The following STK39 variants were observed in gnomAD, a reference collection of about 807,000 sequenced individuals.
STK39 encodes the protein serine/threonine kinase 39, also known as STE20/SPS1-related proline-alanine-rich protein kinase.
STK39 carries 20 observed loss-of-function variants against 77.8 expected under a neutral mutation model. The observed-to-expected ratio is 0.26, with a 90% CI of 0.18 to 0.37. The LOEUF (loss-of-function observed/expected upper bound fraction) is 0.37, where lower values mean the gene tolerates loss of function less well. Ranked by LOEUF, STK39 falls within the 10% of genes least tolerant of loss-of-function variation. The probability of loss-of-function intolerance (pLI) is 1.00; values close to 1 mark genes in which losing one functional copy is unlikely to be tolerated. For synonymous variants in STK39, 246 were observed against 234.1 expected, an observed-to-expected ratio of 1.05 and a Z score of -0.47; for missense variants, 479 against 656.5, an observed-to-expected ratio of 0.73 and a Z score of 2.95.
chr2:168,139,997 CA>C (rs1215936204), intron 7 of STK39, among the ~76,000 whole-genome samples: 1 of 152,144 alleles, frequency 6.6e-6, no homozygotes, highest in African/African-American at 2.4e-5. Flanking sequence ...GTTCTGCTAT[CA>C]AAAGAGTAAT....
At chr2:168,186,750 T>C (rs1030699176) in intron 1 of STK39, among the ~76,000 whole-genome samples, 2 of 152,182 alleles carry the variant, frequency 1.3e-5, no homozygotes, top group East Asian at 1.9e-4. Context: ...CATTTCTCCA[T>C]CTGTGACATA....
At chr2:168,014,360 T>G (rs1684353590) in intron 15 of STK39, among the ~76,000 whole-genome samples, 1 of 152,062 alleles carries the variant, frequency 6.6e-6, no homozygotes, top group Admixed American at 6.6e-5. Context: ...GGCATGTACC[T>G]CTGGTCCCAG....
At chr2:168,205,975 G>A (rs1689730893) in intron 1 of STK39, among the ~76,000 whole-genome samples, 1 of 152,112 alleles carries the variant, frequency 6.6e-6, no homozygotes, top group Non-Finnish European at 1.5e-5. Flanking sequence ...ATTAAGGCAA[G>A]AAAAACAACG....
intron 17 of STK39, among the ~76,000 whole-genome samples, chr2:167,962,616 C>T (rs1692018010): frequency 6.6e-6 from 1 of 152,222 alleles, no homozygotes; most frequent in Non-Finnish European, 1.5e-5. Context: ...CAAAACTCCC[C>T]TGTGCCTGAC....
intron 14 of STK39, among the ~76,000 whole-genome samples, chr2:168,029,849 C>T (rs966884573): frequency 6.6e-6 from 1 of 152,188 alleles, no homozygotes; most frequent in Non-Finnish European, 1.5e-5. Flanking sequence ...TCTTGGAAAG[C>T]TGGTGGCTAA....
At chr2:168,081,319 G>T (rs1307793373) in intron 10 of STK39, among the ~76,000 whole-genome samples, 1 of 152,166 alleles carries the variant, frequency 6.6e-6, no homozygotes, top group Non-Finnish European at 1.5e-5. Context: ...AGCGTAACCT[G>T]GATGTGAGAC....
chr2:167,956,680 A>ACACACT (rs1249603902), intron 17 of STK39, among the ~76,000 whole-genome samples: 1 of 41,998 alleles, frequency 2.4e-5, no homozygotes, highest in African/African-American at 1.3e-4. Context: ...ACACACACAC[A>ACACACT]CACACACACA....
At chr2:168,066,033 A>C (rs1685784516) in intron 12 of STK39, among the ~76,000 whole-genome samples, 1 of 151,220 alleles carries the variant, frequency 6.6e-6, no homozygotes, top group African/African-American at 2.4e-5. Flanking sequence ...AACACCAACA[A>C]CAACAACAAA....
At chr2:168,245,004 A>G (rs1050837217) in intron 1 of STK39, among the ~76,000 whole-genome samples, 3 of 152,244 alleles carry the variant, frequency 2.0e-5, no homozygotes, top group African/African-American at 7.2e-5. Flanking sequence ...TACTGTTTTC[A>G]AAAGGCAACG....
At chr2:167,962,025 T>A (rs896954502) in intron 17 of STK39, among the ~76,000 whole-genome samples, 1 of 152,162 alleles carries the variant, frequency 6.6e-6, no homozygotes, top group African/African-American at 2.4e-5. Context: ...TAGGCATTAA[T>A]TTTTTAAAGT....
intron 1 of STK39, among the ~76,000 whole-genome samples, chr2:168,229,578 A>C (rs963237834): frequency 1.3e-5 from 2 of 152,202 alleles, no homozygotes; most frequent in African/African-American, 4.8e-5. Context: ...AAAAACTGTG[A>C]AACGGGGAAT....
chr2:168,178,780 T>C (rs1245014314), intron 2 of STK39, among the ~76,000 whole-genome samples: 1 of 152,126 alleles, frequency 6.6e-6, no homozygotes, highest in African/African-American at 2.4e-5. Flanking sequence ...CTTGACTCCT[T>C]CTTCAGCAAA....
intron 5 of STK39, among the ~76,000 whole-genome samples, chr2:168,142,474 T>C (rs138098315): frequency 6.6e-6 from 1 of 152,292 alleles, no homozygotes; most frequent in East Asian, 1.9e-4. Flanking sequence ...ATTGATTATT[T>C]TAAATGCAAT....
At chr2:168,064,058 C>T (rs956510100) in intron 13 of STK39, among the ~76,000 whole-genome samples, 1 of 152,182 alleles carries the variant, frequency 6.6e-6, no homozygotes, top group Non-Finnish European at 1.5e-5. Context: ...CACAGCCTCT[C>T]CCTGTTCTCA....
At chr2:168,005,886 G>A (rs1298990325) in intron 16 of STK39, among the ~76,000 whole-genome samples, 1 of 152,136 alleles carries the variant, frequency 6.6e-6, no homozygotes, top group Non-Finnish European at 1.5e-5. Flanking sequence ...CATCTCATGG[G>A]GGCATGAACA....
chr2:168,197,013 G>T (rs149200366), intron 1 of STK39, among the ~76,000 whole-genome samples: 5 of 152,210 alleles, frequency 3.3e-5, no homozygotes, highest in African/African-American at 9.6e-5. Context: ...TTGAAAAAAA[G>T]AATTACAGAA....
chr2:168,067,388 C>T lies in STK39; in HGVS notation c.1243-2007G>A, dbSNP rs184838794. ...GATTTGGTCATTTAAAAGTGTGTGG[C>T]ACCTCCTTCCCACTCTCTCTGTTGC... On this transcript the variant is annotated intron_variant, in intron 12 of 17. Transcript: ENST00000355999. Among the ~76,000 whole-genome samples, 16 of 152,192 alleles carry T rather than the reference C, an allele frequency of 1.1e-4. No individual in the cohort carries two copies. The East Asian group carries it at 2.9e-3, about 28-fold the overall frequency.
chr2:168,016,251 C>T (rs557771015), intron 15 of STK39, among the ~76,000 whole-genome samples: 1 of 152,052 alleles, frequency 6.6e-6, no homozygotes, highest in East Asian at 1.9e-4. Flanking sequence ...TTAAAAGATA[C>T]TTCATATTTT....
At chr2:168,085,565 C>T (rs1686344166) in intron 10 of STK39, among the ~76,000 whole-genome samples, 1 of 152,218 alleles carries the variant, frequency 6.6e-6, no homozygotes, top group South Asian at 2.1e-4. Context: ...AGGACAAGGT[C>T]ATGATTTTGA....
Sources: allele counts gnomAD v4.1 joint callset (sites outside exome capture counted in the v4.1 genomes callset), GRCh38; gene constraint gnomAD v4.1.1; transcripts MANE v1.5; gene names NCBI Gene and HGNC (gene_info 2026-07-23, HGNC 2026-07-21).